The following MYO5B variants were observed in gnomAD, a reference collection of about 807,000 sequenced individuals.
MYO5B encodes the protein myosin VB.
Under a neutral mutation model 229.3 loss-of-function variants are expected in MYO5B, and 143 were observed. The ratio of observed to expected loss-of-function variants is 0.62; its 90% CI spans 0.54 to 0.72. The LOEUF (loss-of-function observed/expected upper bound fraction) is 0.72. Ranked by LOEUF, MYO5B falls within the 30% of genes least tolerant of loss-of-function variation. The pLI, the probability that MYO5B is intolerant of heterozygous loss-of-function variation, is 0.00. For missense variants in MYO5B, 2,321 were observed against 2,331.0 expected (o/e 1.00, Z 0.09); for synonymous variants, 918 against 885.2 (o/e 1.04, Z -0.66).
At chr18:50,000,977 G>A (rs1054318970) in intron 5 of MYO5B, among the ~76,000 whole-genome samples, 1 of 152,214 alleles carries the variant, frequency 6.6e-6, no homozygotes, top group Non-Finnish European at 1.5e-5. Flanking sequence ...CAACAGAGGT[G>A]GAGGAGGTGG....
chr18:49,847,041 G>T, intron 33 of MYO5B, 105 bp downstream of exon 33: 1 of 1,440,056 alleles, frequency 6.9e-7, no homozygotes, highest in Non-Finnish European at 9.7e-7. Context: ...GGTGGGGGCT[G>T]TGCAGGAGGT....
intron 4 of MYO5B, among the ~76,000 whole-genome samples, chr18:50,012,330 G>A (rs1338936711): frequency 6.6e-6 from 1 of 152,118 alleles, no homozygotes; most frequent in Non-Finnish European, 1.5e-5. Flanking sequence ...CTAATACAAT[G>A]TACCACTGAA....
chr18:49,928,864 G>C (rs1255656261), intron 17 of MYO5B, among the ~76,000 whole-genome samples: 1 of 152,178 alleles, frequency 6.6e-6, no homozygotes, highest in Non-Finnish European at 1.5e-5. Context: ...AAGTAACTCA[G>C]GAATGGAAAA....
intron 1 of MYO5B, among the ~76,000 whole-genome samples, chr18:50,102,044 A>G (rs1298106100): frequency 6.6e-6 from 1 of 152,220 alleles, no homozygotes; most frequent in Non-Finnish European, 1.5e-5. Context: ...ACGGAATACT[A>G]TGCAGCCATA....
At chr18:50,137,273 C>A (rs1304067632) in intron 1 of MYO5B, among the ~76,000 whole-genome samples, 1 of 152,244 alleles carries the variant, frequency 6.6e-6, no homozygotes, top group Non-Finnish European at 1.5e-5. Flanking sequence ...ACTCCACTTA[C>A]ATTTTGAACA....
In MYO5B at chr18:50,036,878, C is replaced by T; in HGVS notation, c.427G>A (p.Ala143Thr). The T allele has an allele frequency of 6.2e-7, 1 of 1,614,102 alleles. No homozygotes were observed. ...GDMDPHIFAV[A>T]EEAYKQMARD... is the part of the protein sequence containing the mutation. ...GCCATCTGCTTGTAGGCTTCTTCTG[C>T]CACAGCAAAGATGTGGGGGTCCATG... is the stretch of plus-strand genomic sequence containing the variant. Residue 143 changes from alanine to threonine, a missense_variant, in exon 4 of 40, where the codon GCA (alanine) becomes ACA (threonine). Physicochemically the swap from Ala to Thr is moderately conservative, Grantham distance 58 (BLOSUM62 0). Coordinates refer to ENST00000285039, the MANE Select transcript of MYO5B (RefSeq NM_001080467.3).
intron 4 of MYO5B, among the ~76,000 whole-genome samples, chr18:50,002,555 G>A (rs2026059617): frequency 1.3e-5 from 2 of 152,112 alleles, no homozygotes; most frequent in Non-Finnish European, 2.9e-5. Context: ...GAAAAGAAGG[G>A]GGTTAGATTA....
intron 1 of MYO5B, among the ~76,000 whole-genome samples, chr18:50,152,969 T>A (rs979357065): frequency 4.0e-5 from 6 of 151,482 alleles, no homozygotes; most frequent in Non-Finnish European, 8.8e-5. Context: ...AAGTAACAAC[T>A]AGAATTTATT....
chr18:50,005,710 T>C (rs904077692), intron 4 of MYO5B, among the ~76,000 whole-genome samples: 22 of 152,310 alleles, frequency 1.4e-4, no homozygotes, highest in African/African-American at 5.3e-4. Flanking sequence ...AGCCACTGCC[T>C]GGCCTATATT....
At chr18:49,877,919 C>A (rs747508481) in intron 24 of MYO5B, 37 bp from the exon 25 acceptor site, 2 of 1,613,664 alleles carry the variant, frequency 1.2e-6, no homozygotes, top group Non-Finnish European at 1.7e-6. Context: ...TCATTAGGAA[C>A]TAATGTTCAT....
intron 5 of MYO5B, among the ~76,000 whole-genome samples, chr18:49,995,995 A>T (rs2025983216): frequency 6.6e-6 from 1 of 152,254 alleles, no homozygotes; most frequent in African/African-American, 2.4e-5. Context: ...TAATCAGCAA[A>T]GGCCAGTTGG....
chr18:50,137,987 C>T (rs186326102), intron 1 of MYO5B, among the ~76,000 whole-genome samples: 57 of 152,166 alleles, frequency 3.7e-4, no homozygotes, highest in African/African-American at 1.2e-3. Flanking sequence ...TGAGGGTGGA[C>T]GATGGGAGAA....
chr18:50,188,290 T>C (rs1452928917), intron 1 of MYO5B, among the ~76,000 whole-genome samples: 2 of 152,146 alleles, frequency 1.3e-5, no homozygotes, highest in African/African-American at 2.4e-5. Flanking sequence ...GCCCCAGTCA[T>C]GTCCCACTAC....
At chr18:49,867,943 A>G (rs2024415145) in intron 27 of MYO5B, among the ~76,000 whole-genome samples, 2 of 152,234 alleles carry the variant, frequency 1.3e-5, no homozygotes, top group African/African-American at 4.8e-5. Flanking sequence ...GCCTAGTTTC[A>G]TCACAGGATT....
intron 1 of MYO5B, among the ~76,000 whole-genome samples, chr18:50,082,873 T>G (rs1599007624): frequency 6.6e-6 from 1 of 152,192 alleles, no homozygotes; most frequent in Non-Finnish European, 1.5e-5. Flanking sequence ...TGTGGGCTTC[T>G]TCCACCCAAG....
chr18:50,160,097 C>G (rs1205621037), intron 1 of MYO5B, among the ~76,000 whole-genome samples: 1 of 152,264 alleles, frequency 6.6e-6, no homozygotes, highest in African/African-American at 2.4e-5. Flanking sequence ...CAACGTACCA[C>G]AGTCAACACT....
intron 1 of MYO5B, among the ~76,000 whole-genome samples, chr18:50,144,980 A>G (rs1036838687): frequency 6.6e-6 from 1 of 152,184 alleles, no homozygotes; most frequent in African/African-American, 2.4e-5. Context: ...TCAGGGCTCA[A>G]TACAGGCCTT....
At chr18:49,904,900 C>A in intron 19 of MYO5B, 72 bp from the exon 20 acceptor site, 1 of 1,557,072 alleles carries the variant, frequency 6.4e-7, no homozygotes, top group Non-Finnish European at 8.7e-7. Flanking sequence ...AACCCTGAGA[C>A]ATCTGCAAAT....
At chr18:50,002,172 C>A (rs545011733) in intron 4 of MYO5B, among the ~76,000 whole-genome samples, 1 of 152,330 alleles carries the variant, frequency 6.6e-6, no homozygotes, top group African/African-American at 2.4e-5. Context: ...TCTCCTCCTG[C>A]ATTTGAGCCT....
Sources: gnomAD v4.1 joint callset for allele counts (sites outside exome capture counted in the v4.1 genomes callset) on GRCh38, gnomAD v4.1.1 for gene constraint, MANE v1.5 for transcripts, NCBI Gene and HGNC (gene_info 2026-07-23, HGNC 2026-07-21) for gene names.